Variants in SPMAP2L observed in about 807,000 individuals in gnomAD.
SPMAP2L encodes sperm microtubule associated protein 2-like.
the SPMAP2L span, chr4:56,548,911 A>T: frequency 1.2e-6 from 1 of 866,120 alleles, no homozygotes; most frequent in African/African-American, 1.8e-5. Context: ...ACGTGGGTCT[A>T]CCTTGGGGTT....
At chr4:56,573,095 G>T in the SPMAP2L span, among the ~76,000 whole-genome samples, 2,746 of 152,050 alleles carry the variant, frequency 0.018, 97 homozygotes, top group African/African-American at 0.062. Context: ...ACTCTGGGAG[G>T]AGGAGAAGCA....
the SPMAP2L span, chr4:56,601,097 AT>A: frequency 6.5e-7 from 1 of 1,534,492 alleles, no homozygotes; most frequent in South Asian, 1.2e-5. Flanking sequence ...GAACTAGCTA[AT>A]CCAAATAAGA....
the SPMAP2L span, among the ~76,000 whole-genome samples, chr4:56,592,126 A>T: frequency 6.6e-6 from 1 of 152,208 alleles, no homozygotes; most frequent in East Asian, 1.9e-4. Context: ...AGATTCTCAT[A>T]GGAGCGTGAA....
At chr4:56,595,718 T>C in the SPMAP2L span, 1 of 985,538 alleles carries the variant, frequency 1.0e-6, no homozygotes, top group Non-Finnish European at 1.6e-6. Context: ...GGGCCTCTTC[T>C]TAGTCCTCTC....
chr4:56,625,253 A>G, the SPMAP2L span, among the ~76,000 whole-genome samples: 1 of 152,108 alleles, frequency 6.6e-6, no homozygotes, highest in African/African-American at 2.4e-5. Flanking sequence ...CTGTACTCCC[A>G]TTGTATCTAG....
the SPMAP2L span, among the ~76,000 whole-genome samples, chr4:56,586,805 ACT>A: frequency 2.0e-5 from 3 of 152,016 alleles, no homozygotes; most frequent in Non-Finnish European, 4.4e-5. Context: ...CAGCAGTCAT[ACT>A]CTGTTTATTG....
the SPMAP2L span, among the ~76,000 whole-genome samples, chr4:56,592,212 T>C: frequency 5.9e-5 from 9 of 152,336 alleles, no homozygotes; most frequent in South Asian, 1.9e-3. Context: ...ATTATCCAAG[T>C]TGGAACAGTT....
the SPMAP2L span, among the ~76,000 whole-genome samples, chr4:56,612,961 A>G: frequency 2.0e-5 from 3 of 152,008 alleles, no homozygotes; most frequent in Admixed American, 6.5e-5. Context: ...CTTTATTTCC[A>G]TGCTTGGGGT....
the SPMAP2L span, among the ~76,000 whole-genome samples, chr4:56,548,469 G>T: frequency 6.6e-6 from 1 of 151,824 alleles, no homozygotes; most frequent in African/African-American, 2.4e-5. Flanking sequence ...CATCTTTAAG[G>T]TTTAATTTTT....
the SPMAP2L span, among the ~76,000 whole-genome samples, chr4:56,610,323 GC>G: frequency 6.6e-6 from 1 of 152,118 alleles, no homozygotes; most frequent in Non-Finnish European, 1.5e-5. Flanking sequence ...ACTTGGCAAA[GC>G]AAACAAAAAC....
the SPMAP2L span, among the ~76,000 whole-genome samples, chr4:56,603,834 T>A: frequency 6.6e-6 from 1 of 152,212 alleles, no homozygotes; most frequent in Non-Finnish European, 1.5e-5. Flanking sequence ...CTTTTTATAG[T>A]CTATAAATAC....
the SPMAP2L span, among the ~76,000 whole-genome samples, chr4:56,610,967 G>A: frequency 6.6e-6 from 1 of 152,146 alleles, no homozygotes; most frequent in African/African-American, 2.4e-5. Context: ...AGTGAAAAGG[G>A]AAAGGGAACA....
At chr4:56,550,417 GGA>G in the SPMAP2L span, among the ~76,000 whole-genome samples, 1 of 152,096 alleles carries the variant, frequency 6.6e-6, no homozygotes, top group African/African-American at 2.4e-5. Flanking sequence ...AAAGTAGATA[GGA>G]CAGATATATC....
chr4:56,562,651 A>G, the SPMAP2L span, among the ~76,000 whole-genome samples: 1,647 of 152,224 alleles, frequency 0.011, 39 homozygotes, highest in African/African-American at 0.037. Flanking sequence ...TTTGCTTCAT[A>G]TTATTTTAGA....
At chr4:56,541,128 TGA>T in the SPMAP2L span, among the ~76,000 whole-genome samples, 2 of 152,236 alleles carry the variant, frequency 1.3e-5, no homozygotes, top group African/African-American at 4.8e-5. Flanking sequence ...GAACAAATGT[TGA>T]GAGTCTATAT....
At chr4:56,597,448 CA>C in the SPMAP2L span, among the ~76,000 whole-genome samples, 1 of 152,000 alleles carries the variant, frequency 6.6e-6, no homozygotes, top group Non-Finnish European at 1.5e-5. Context: ...ATTGGGTTTT[CA>C]AAAAATATCT....
the SPMAP2L span, among the ~76,000 whole-genome samples, chr4:56,575,180 C>T: frequency 7.2e-3 from 1,090 of 150,846 alleles, 18 homozygotes; most frequent in African/African-American, 0.025. Flanking sequence ...ACCTGGGAGG[C>T]GGAGCTTGCA....
chr4:56,598,873 G>T, the SPMAP2L span, among the ~76,000 whole-genome samples: 54 of 152,162 alleles, frequency 3.5e-4, no homozygotes, highest in East Asian at 7.2e-3. Flanking sequence ...TGACTCATGG[G>T]GGTGGTTTCC....
the SPMAP2L span, among the ~76,000 whole-genome samples, chr4:56,535,977 C>T: frequency 9.2e-5 from 14 of 152,332 alleles, no homozygotes; most frequent in Admixed American, 2.6e-4. Context: ...CTCATAAGGA[C>T]CCAGCAAGCT....
Sources: allele counts gnomAD v4.1 joint callset (sites outside exome capture counted in the v4.1 genomes callset), GRCh38; gene constraint gnomAD v4.1.1; transcripts MANE v1.5; gene names NCBI Gene and HGNC (gene_info 2026-07-23, HGNC 2026-07-21).